Variants in FOXN3 observed in about 807,000 individuals in gnomAD.
FOXN3 encodes forkhead box protein N3.
In FOXN3, 7 loss-of-function variants were observed where a neutral mutation model predicts 38.4. The observed-to-expected ratio is 0.18, with a 90% CI of 0.10 to 0.34. FOXN3 has a LOEUF of 0.34. Ranked by LOEUF, FOXN3 falls within the 10% of genes least tolerant of loss-of-function variation. FOXN3 has a pLI of 1.00. For synonymous variants in FOXN3, 230 were observed against 242.2 expected (o/e 0.95, Z 0.47); for missense variants, 456 against 613.4 (o/e 0.74, Z 2.71).
rs545270341 is a variant in FOXN3, at chr14:89,301,570, C to A, written c.681-20556G>T. ...GGATCACGAGGTCAGGAGTTCAAGA[C>A]CAGACTGGCCATCATGGTGAAAGCC... On this transcript the variant is annotated intron_variant, in intron 3 of 5. Coordinates refer to ENST00000557258, the MANE Select transcript of FOXN3 (RefSeq NM_005197.4). Among the ~76,000 whole-genome samples, 13 of 152,090 alleles carry A rather than the reference C, an allele frequency of 8.5e-5. No homozygotes were observed. In the East Asian group the frequency reaches 2.5e-3, roughly 30 times the overall value.
intron 1 of FOXN3, among the ~76,000 whole-genome samples, chr14:89,487,388 C>T (rs1893471693): frequency 1.3e-5 from 2 of 152,184 alleles, no homozygotes; most frequent in South Asian, 4.2e-4. Flanking sequence ...TCGGCGGTTC[C>T]CAAACTGTGG....
chr14:89,363,959 T>TA (rs1283203102), intron 2 of FOXN3, among the ~76,000 whole-genome samples: 1 of 10,686 alleles, frequency 9.4e-5, no homozygotes, highest in African/African-American at 2.1e-4. Context: ...TATATATATA[T>TA]ATATATATAT....
chr14:89,424,063 G>A (rs1891972977), intron 1 of FOXN3, among the ~76,000 whole-genome samples: 1 of 152,222 alleles, frequency 6.6e-6, no homozygotes, highest in African/African-American at 2.4e-5. Context: ...AAGCAACAAT[G>A]TATTTAGGAG....
chr14:89,236,667 T>A (rs930102319), intron 4 of FOXN3, among the ~76,000 whole-genome samples: 1 of 152,230 alleles, frequency 6.6e-6, no homozygotes, highest in Admixed American at 6.5e-5. Context: ...AATTTGCACA[T>A]GCTGATTAGA....
intron 1 of FOXN3, among the ~76,000 whole-genome samples, chr14:89,474,584 G>T (rs1893171823): frequency 6.6e-6 from 1 of 152,194 alleles, no homozygotes; most frequent in Non-Finnish European, 1.5e-5. Flanking sequence ...GGACAGTTCA[G>T]TGATAAGCTA....
intron 1 of FOXN3, among the ~76,000 whole-genome samples, chr14:89,558,387 G>A: frequency 6.6e-6 from 1 of 152,174 alleles, no homozygotes; most frequent in East Asian, 1.9e-4. Flanking sequence ...GAAGGTGACA[G>A]GCAGACCGTC....
intron 1 of FOXN3, among the ~76,000 whole-genome samples, chr14:89,496,714 A>AT (rs1048480342): frequency 1.3e-5 from 2 of 152,210 alleles, no homozygotes; most frequent in African/African-American, 4.8e-5. Context: ...AAATATATTC[A>AT]TAATGACATG....
At chr14:89,252,080 A>C (rs1010400910) in intron 4 of FOXN3, among the ~76,000 whole-genome samples, 3 of 152,232 alleles carry the variant, frequency 2.0e-5, no homozygotes, top group African/African-American at 7.2e-5. Flanking sequence ...TTGGCCATTT[A>C]AATGATCATC....
At chr14:89,251,467 T>C (rs186771958) in intron 4 of FOXN3, among the ~76,000 whole-genome samples, 47 of 152,330 alleles carry the variant, frequency 3.1e-4, no homozygotes, top group African/African-American at 1.1e-3. Flanking sequence ...TTGAAATAAA[T>C]GCTCAGTTAA....
At chr14:89,286,826 A>C (rs970906170) in intron 3 of FOXN3, among the ~76,000 whole-genome samples, 2 of 152,110 alleles carry the variant, frequency 1.3e-5, no homozygotes, top group Non-Finnish European at 2.9e-5. Flanking sequence ...AATACCACTC[A>C]CCGTTTGAGA....
intron 2 of FOXN3, among the ~76,000 whole-genome samples, chr14:89,403,279 G>A (rs3783843): frequency 0.3 from 45,503 of 151,944 alleles, 7,873 homozygotes; most frequent in East Asian, 0.61. Context: ...ATGGCTCACC[G>A]TAGCCTCCAC....
At chr14:89,478,441 T>C (rs1364116358) in intron 1 of FOXN3, among the ~76,000 whole-genome samples, 1 of 152,178 alleles carries the variant, frequency 6.6e-6, no homozygotes, top group Non-Finnish European at 1.5e-5. Flanking sequence ...CATCTTATCT[T>C]TCAGTACACA....
chr14:89,286,876 G>A (rs1041441194), intron 3 of FOXN3, among the ~76,000 whole-genome samples: 17 of 152,032 alleles, frequency 1.1e-4, no homozygotes, highest in African/African-American at 3.9e-4. Flanking sequence ...AGATTCTCGG[G>A]GACACTCTTG....
intron 1 of FOXN3, among the ~76,000 whole-genome samples, chr14:89,463,161 C>T (rs561782750): frequency 1.6e-3 from 237 of 151,608 alleles, no homozygotes; most frequent in Middle Eastern, 3.4e-3. Flanking sequence ...TGGTGGCAGG[C>T]GCCTGTAGTC....
chr14:89,514,175 T>C (rs770825087), intron 1 of FOXN3, among the ~76,000 whole-genome samples: 6 of 152,036 alleles, frequency 3.9e-5, no homozygotes, highest in Non-Finnish European at 7.4e-5. Context: ...AGAAGGAGGA[T>C]GGAAGGTGGG....
At chr14:89,186,853 G>A (rs1356985185) in intron 4 of FOXN3, among the ~76,000 whole-genome samples, 2 of 152,158 alleles carry the variant, frequency 1.3e-5, no homozygotes, top group Non-Finnish European at 2.9e-5. Context: ...GGACCCCTAG[G>A]GACTCCAGCC....
At chr14:89,356,678 TC>T (rs1309858804) in intron 2 of FOXN3, 15 of 152,282 alleles carry the variant, frequency 9.9e-5, no homozygotes, top group African/African-American at 3.6e-4. Context: ...CTTCATTCAT[TC>T]CTTCATTCAT....
intron 4 of FOXN3, among the ~76,000 whole-genome samples, chr14:89,245,018 T>C (rs73323133): frequency 6.6e-6 from 1 of 152,188 alleles, no homozygotes; most frequent in African/African-American, 2.4e-5. Context: ...CAAAGATACA[T>C]ACTGTCAGGT....
chr14:89,462,905 C>T (rs1314066550), intron 1 of FOXN3, among the ~76,000 whole-genome samples: 3 of 149,128 alleles, frequency 2.0e-5, no homozygotes, highest in Admixed American at 1.3e-4. Context: ...AGGATGGTCT[C>T]GATCTCCTGA....
Sources: gnomAD v4.1 joint callset for allele counts (sites outside exome capture counted in the v4.1 genomes callset) on GRCh38, gnomAD v4.1.1 for gene constraint, MANE v1.5 for transcripts, NCBI Gene and HGNC (gene_info 2026-07-23, HGNC 2026-07-21) for gene names.